DLEC1: variants seen among roughly 807,000 people sequenced by gnomAD.
DLEC1 encodes the protein deleted in lung and esophageal cancer protein 1.
DLEC1 carries 146 observed loss-of-function variants against 198.1 expected under a neutral mutation model. The observed-to-expected ratio is 0.74, with a 90% confidence interval of 0.64 to 0.85. DLEC1 has a LOEUF of 0.85. Ranked by LOEUF, DLEC1 falls within the 40% of genes least tolerant of loss-of-function variation. The pLI, the probability that DLEC1 is intolerant of heterozygous loss-of-function variation, is 0.00. For missense variants in DLEC1, 2,233 were observed against 2,220.0 expected, an observed-to-expected ratio of 1.01 and a Z score of -0.12; for synonymous variants, 897 against 866.8, an observed-to-expected ratio of 1.03 and a Z score of -0.61.
At chr3:38,051,326 G>T (rs1052389404) in intron 2 of DLEC1, among the ~76,000 whole-genome samples, 4 of 152,366 alleles carry the variant, frequency 2.6e-5, no homozygotes, top group African/African-American at 9.6e-5. Flanking sequence ...TGGCGCAGAG[G>T]CCTCCTCCCT....
intron 11 of DLEC1, 150 bp downstream of exon 11, chr3:38,093,030 G>T: frequency 1.3e-6 from 1 of 775,526 alleles, no homozygotes; most frequent in Non-Finnish European, 2.1e-6. Context: ...AGGTGCCAGA[G>T]TCTCGTTTCA....
chr3:38,122,359 C>T lies in DLEC1; in HGVS notation c.5215C>T (p.Leu1739Phe). 6.2e-7 allele frequency: 1 copy of T among 1,614,184 alleles called. No homozygotes were observed. Among genetic ancestry groups the T allele is most frequent in the Non-Finnish European group, 8.5e-7 (1 of 1,180,032 alleles). ...VLGEKSCTLR[L>F]RGQGSYDERY... is the part of the protein sequence containing the mutation. Reference sequence around the variant, plus strand: ...CGGTGAGAAGTCCTGCACCCTGCGGCTCCGGGGCCAAGGCTCCTATGATGA... The same window carrying T: ...CGGTGAGAAGTCCTGCACCCTGCGGTTCCGGGGCCAAGGCTCCTATGATGA... The change falls in exon 37 of 37, where the codon CTC (leucine) becomes TTC (phenylalanine). Residue 1739 changes from leucine (L) to phenylalanine (F), a missense_variant. Physicochemically the swap from Leu to Phe is conservative, Grantham distance 22. Transcript: ENST00000308059.
intron 35 of DLEC1, 141 bp from the exon 36 acceptor site, chr3:38,121,930 C>T (rs1700489972): frequency 6.6e-7 from 1 of 1,509,136 alleles, no homozygotes; most frequent in Non-Finnish European, 8.9e-7. Context: ...GCCAGTCCCC[C>T]AATCCCACAT....
intron 1 of DLEC1, among the ~76,000 whole-genome samples, chr3:38,040,411 T>A (rs1158407034): frequency 6.6e-6 from 1 of 152,198 alleles, no homozygotes; most frequent in African/African-American, 2.4e-5. Flanking sequence ...ACACCCACAC[T>A]CACACACGCA....
intron 1 of DLEC1, among the ~76,000 whole-genome samples, chr3:38,042,928 C>T (rs1212751620): frequency 6.6e-6 from 1 of 152,128 alleles, no homozygotes; most frequent in Non-Finnish European, 1.5e-5. Flanking sequence ...TTTCCTCACT[C>T]GTCTCTAGAT....
Position 38,097,838 on chromosome 3 carries a change from G to A in DLEC1, c.2660G>A (p.Ser887Asn). 5.0e-6 allele frequency: 8 copies of A among 1,614,230 alleles called. No individual in the cohort carries two copies. The highest frequency in any genetic ancestry group is 6.8e-6 in the Non-Finnish European group (8 of 1,180,046). Residue 887 changes from serine to asparagine, a missense_variant, in exon 18 of 37, where the codon AGC (serine) becomes AAC (asparagine). Ser to Asn is a conservative substitution (Grantham distance 46). Coordinates refer to ENST00000308059, the MANE Select transcript of DLEC1 (RefSeq NM_007335.4). Reference protein sequence around the residue: ...ATNSIQIRNVSQLPATWRMKE... With the variant: ...ATNSIQIRNVNQLPATWRMKE... ...AACTCCATCCAGATCCGGAACGTCA[G>A]CCAGCTCCCAGCCACATGGCGCATG...
intron 2 of DLEC1, 30 bp from the exon 3 acceptor site, chr3:38,059,712 C>T (rs766371729): frequency 1.3e-6 from 2 of 1,591,034 alleles, no homozygotes; most frequent in Admixed American, 1.7e-5. Context: ...TGGCTGGAAA[C>T]ACCTTGTTCT....
At chr3:38,086,963 A>C (rs1698489356) in intron 9 of DLEC1, among the ~76,000 whole-genome samples, 1 of 151,794 alleles carries the variant, frequency 6.6e-6, no homozygotes, top group Non-Finnish European at 1.5e-5. Context: ...AGTCCCAGCT[A>C]CTCAGGAGGC....
intron 10 of DLEC1, among the ~76,000 whole-genome samples, chr3:38,090,810 G>A (rs954789145): frequency 2.6e-5 from 4 of 152,154 alleles, no homozygotes; most frequent in Non-Finnish European, 4.4e-5. Flanking sequence ...GTTCATGGAC[G>A]TTGTATATAA....
chr3:38,085,852 C>CTTCA (rs1698428189), intron 8 of DLEC1, among the ~76,000 whole-genome samples: 3 of 152,146 alleles, frequency 2.0e-5, no homozygotes, highest in Admixed American at 2.0e-4. Context: ...GCAAAGCTGG[C>CTTCA]TTCAGCTGGG....
At chr3:38,049,454 T>C (rs1193123517) in intron 2 of DLEC1, among the ~76,000 whole-genome samples, 2 of 152,258 alleles carry the variant, frequency 1.3e-5, no homozygotes, top group East Asian at 3.8e-4. Context: ...CACATGTAAA[T>C]TCTCCAAAGT....
chr3:38,047,457 GA>G (rs1159376622), intron 2 of DLEC1, among the ~76,000 whole-genome samples: 7 of 152,206 alleles, frequency 4.6e-5, no homozygotes, highest in South Asian at 4.1e-4. Context: ...ATAGATGCAT[GA>G]AAAAAAGCTG....
intron 10 of DLEC1, among the ~76,000 whole-genome samples, 153 bp downstream of exon 10, chr3:38,088,541 C>T (rs1575179649): frequency 6.6e-6 from 1 of 152,182 alleles, no homozygotes; most frequent in East Asian, 1.9e-4. Context: ...AGGGTGATGT[C>T]AGATGTCATT....
intron 27 of DLEC1, among the ~76,000 whole-genome samples, chr3:38,116,134 C>T (rs1700145555): frequency 6.6e-6 from 1 of 152,132 alleles, no homozygotes; most frequent in South Asian, 2.1e-4. Context: ...AGAGCCCAGC[C>T]TGCCCACAAA....
At chr3:38,092,010 C>T (rs913640208) in intron 10 of DLEC1, among the ~76,000 whole-genome samples, 1 of 152,206 alleles carries the variant, frequency 6.6e-6, no homozygotes, top group Non-Finnish European at 1.5e-5. Flanking sequence ...GGTATATATA[C>T]AAATGAAATC....
At chr3:38,089,098 G>C (rs2125682651) in intron 10 of DLEC1, among the ~76,000 whole-genome samples, 1 of 152,342 alleles carries the variant, frequency 6.6e-6, no homozygotes, top group Middle Eastern at 3.4e-3. Context: ...ACACTAGCCT[G>C]CCGAGGGAGG....
In DLEC1 at chr3:38,097,548, G is replaced by T. The variant is rs771565596; in HGVS notation, c.2476G>T (p.Gly826Cys). The change falls in exon 17 of 37, where the codon GGT becomes TGT. Residue 826 changes from glycine (G) to cysteine (C), a missense_variant. By Grantham distance (159) the Gly-to-Cys change is radical (BLOSUM62 -3). Coordinates refer to ENST00000308059, the MANE Select transcript of DLEC1 (RefSeq NM_007335.4). ...GGATTTTGAGTTGAACTTTACTGGG[G>T]GTGTCCCTGGCCCCACAAGCCAGGA... ...VGDFELNFTG[G>C]VPGPTSQDLL... 7.1e-5 allele frequency: 114 copies of T among 1,614,194 alleles called. No homozygotes were observed. The South Asian group carries it at 1.2e-3, about 17-fold the overall frequency.
At chr3:38,042,082 T>C (rs1700685542) in intron 1 of DLEC1, among the ~76,000 whole-genome samples, 1 of 151,980 alleles carries the variant, frequency 6.6e-6, no homozygotes, top group South Asian at 2.1e-4. Flanking sequence ...AACTTCCGTC[T>C]CCTGGGTTCA....
chr3:38,080,927 A>G (rs1406877908), intron 6 of DLEC1, among the ~76,000 whole-genome samples: 13 of 138,272 alleles, frequency 9.4e-5, no homozygotes, highest in African/African-American at 3.6e-4. Context: ...CAAGTGAACA[A>G]AGGTCTCTGG....
Sources: allele counts gnomAD v4.1 joint callset (sites outside exome capture counted in the v4.1 genomes callset), GRCh38; gene constraint gnomAD v4.1.1; transcripts MANE v1.5; gene names NCBI Gene and HGNC (gene_info 2026-07-23, HGNC 2026-07-21).